The following GNAL variants were observed in gnomAD, a reference collection of about 807,000 sequenced individuals.
GNAL encodes guanine nucleotide-binding protein G(olf) subunit alpha.
A neutral mutation model predicts 55.1 loss-of-function variants in GNAL; 18 were observed. The ratio of observed to expected loss-of-function variants is 0.33; its 90% CI spans 0.23 to 0.48. The LOEUF is 0.48. Among genes scored for constraint, GNAL ranks in the 20% least tolerant of loss-of-function variants. The pLI, the probability that GNAL is intolerant of heterozygous loss-of-function variation, is 0.99. For synonymous variants in GNAL, 253 were observed against 237.0 expected (o/e 1.07, Z -0.62); for missense variants, 412 against 614.1 (o/e 0.67, Z 3.48).
intron 5 of GNAL, among the ~76,000 whole-genome samples, chr18:11,844,502 C>T (rs2035688805): frequency 6.6e-6 from 1 of 152,188 alleles, no homozygotes; most frequent in Admixed American, 6.5e-5. Flanking sequence ...ATTCTGTGGC[C>T]ATGGCCGTTT....
At chr18:11,856,499 A>G (rs1259233445) in intron 5 of GNAL, among the ~76,000 whole-genome samples, 1 of 151,362 alleles carries the variant, frequency 6.6e-6, no homozygotes, top group African/African-American at 2.5e-5. Context: ...CCAAGTATGG[A>G]CACTCAAGAG....
chr18:11,802,160 A>C (rs2034538138), intron 4 of GNAL, among the ~76,000 whole-genome samples: 1 of 152,140 alleles, frequency 6.6e-6, no homozygotes, highest in Non-Finnish European at 1.5e-5. Flanking sequence ...AAAGCGATAA[A>C]ATAAAGAGTA....
At chr18:11,845,796 A>AGG (rs2035721853) in intron 5 of GNAL, among the ~76,000 whole-genome samples, 1 of 146,380 alleles carries the variant, frequency 6.8e-6, no homozygotes, top group South Asian at 2.4e-4. Flanking sequence ...AGAAAGAGAG[A>AGG]GGGAGGGAGA....
intron 1 of GNAL, among the ~76,000 whole-genome samples, chr18:11,730,392 T>C (rs1450525523): frequency 1.3e-5 from 2 of 151,522 alleles, no homozygotes; most frequent in Non-Finnish European, 2.9e-5. Flanking sequence ...ACTCCTGATC[T>C]CAGGTAATCT....
In GNAL at chr18:11,752,201, A is replaced by G; in HGVS notation, c.377-652A>G. The stretch of plus-strand genomic sequence containing the variant: ...AGATTTTGAAACAATTCTCGTGTAA[A>G]AAGGCATTTTACTCCGCGCGTCTTC... On this transcript the variant is annotated intron_variant, in intron 1 of 11. Coordinates refer to ENST00000334049, the MANE Select transcript of GNAL (RefSeq NM_182978.4). This position sits in a 1 kb window ranked among gnomAD's most constrained non-coding sequence, Gnocchi z 4.5. 1 of 652,778 alleles carries G rather than the reference A, an allele frequency of 1.5e-6. No homozygotes were observed. Among genetic ancestry groups the G allele is most frequent in the Non-Finnish European group, 2.3e-6 (1 of 441,286 alleles). 40.4% of individuals were successfully genotyped at this position (652,778 alleles called of 1,614,324 possible).
At chr18:11,696,681 A>C (rs930260112) in intron 1 of GNAL, among the ~76,000 whole-genome samples, 8 of 152,144 alleles carry the variant, frequency 5.3e-5, no homozygotes, top group African/African-American at 1.9e-4. Context: ...ATTTCATCCC[A>C]GGGATTTATC....
chr18:11,763,970 T>G (rs765621306), intron 4 of GNAL, among the ~76,000 whole-genome samples: 8 of 152,210 alleles, frequency 5.3e-5, no homozygotes, highest in Non-Finnish European at 1.2e-4. Context: ...TCCTTCCTTC[T>G]CAGTGCATCT....
intron 1 of GNAL, among the ~76,000 whole-genome samples, chr18:11,699,816 A>G (rs1257075890): frequency 1.3e-5 from 2 of 152,094 alleles, no homozygotes; most frequent in East Asian, 1.9e-4. Context: ...ATACAACGCC[A>G]AGAGGGAACC....
At chr18:11,851,266 A>C in intron 5 of GNAL, 1 of 475,772 alleles carries the variant, frequency 2.1e-6, no homozygotes, top group South Asian at 3.7e-5. Flanking sequence ...CGGAGCGTCC[A>C]GCCAGAATCC....
chr18:11,870,611 C>T (rs2036375379), intron 9 of GNAL, among the ~76,000 whole-genome samples: 1 of 152,170 alleles, frequency 6.6e-6, no homozygotes, highest in African/African-American at 2.4e-5. Context: ...CTCTAAGATC[C>T]CTTACAGCTC....
intron 4 of GNAL, among the ~76,000 whole-genome samples, chr18:11,775,681 A>G (rs2033763480): frequency 6.6e-6 from 1 of 152,242 alleles, no homozygotes; most frequent in African/African-American, 2.4e-5. Context: ...AAGTCCCTCA[A>G]GAGGCATTCT....
At chr18:11,778,917 A>G (rs2033855469) in intron 4 of GNAL, among the ~76,000 whole-genome samples, 1 of 152,170 alleles carries the variant, frequency 6.6e-6, no homozygotes, top group Non-Finnish European at 1.5e-5. Flanking sequence ...AAAACGTTTC[A>G]ACTCTGAAGA....
chr18:11,692,987 T>A (rs2143284032), intron 1 of GNAL, among the ~76,000 whole-genome samples: 2 of 152,156 alleles, frequency 1.3e-5, no homozygotes, highest in East Asian at 3.9e-4. Context: ...CCAAAATTTT[T>A]AAAATGCATC....
chr18:11,706,429 A>G (rs1035563557), intron 1 of GNAL, among the ~76,000 whole-genome samples: 1 of 152,194 alleles, frequency 6.6e-6, no homozygotes, highest in African/African-American at 2.4e-5. Flanking sequence ...TCTTGCCTCG[A>G]TATCTGTGGC....
intron 1 of GNAL, among the ~76,000 whole-genome samples, chr18:11,723,858 C>G (rs2143413416): frequency 6.6e-6 from 1 of 152,314 alleles, no homozygotes; most frequent in East Asian, 1.9e-4. Context: ...GGCACCTCTC[C>G]CCCACTCTGC....
rs1489493663 is a variant in GNAL at position 11,884,971 on chromosome 18, G to A, written c.*3836G>A. The A allele has an allele frequency of 1.5e-6, 2 of 1,303,944 alleles. No homozygotes were observed. The highest frequency in any genetic ancestry group is 1.5e-5 in the African/African-American group (1 of 66,298). 80.8% of individuals were successfully genotyped at this position (1,303,944 alleles called of 1,614,324 possible). A position where few individuals can be genotyped will look rare whatever the true frequency, so the allele number is the denominator to read the frequency against. On this transcript the variant is annotated 3_prime_UTR_variant, in exon 12 of 12. Coordinates refer to ENST00000334049, the MANE Select transcript of GNAL (RefSeq NM_182978.4). Reference sequence around the variant, plus strand: ...CAGAGAGGCACCGTGGAGTTCCAGGGTCATCGGTCAGCGAGGAACAAGGAG... The same window carrying A: ...CAGAGAGGCACCGTGGAGTTCCAGGATCATCGGTCAGCGAGGAACAAGGAG...
chr18:11,729,935 C>T (rs1016208961), intron 1 of GNAL, among the ~76,000 whole-genome samples: 23 of 152,048 alleles, frequency 1.5e-4, no homozygotes, highest in African/African-American at 5.6e-4. Flanking sequence ...CCCAAAAAGG[C>T]GAGACATCTG....
At chr18:11,765,920 A>G (rs1324820543) in intron 4 of GNAL, among the ~76,000 whole-genome samples, 2 of 152,208 alleles carry the variant, frequency 1.3e-5, no homozygotes, top group African/African-American at 4.8e-5. Context: ...TTTGTTGTTC[A>G]TCTCTAAGGA....
intron 4 of GNAL, among the ~76,000 whole-genome samples, chr18:11,763,510 A>T (rs747333575): frequency 1.3e-5 from 2 of 151,682 alleles, no homozygotes; most frequent in Admixed American, 6.6e-5. Flanking sequence ...AGTAGCTGGG[A>T]CTACAGGCAT....
Sources: allele counts gnomAD v4.1 joint callset (sites outside exome capture counted in the v4.1 genomes callset), GRCh38; gene constraint gnomAD v4.1.1; non-coding constraint Gnocchi (gnomAD v3.1); transcripts MANE v1.5; gene names NCBI Gene and HGNC (gene_info 2026-07-23, HGNC 2026-07-21).